PDE4D: variants seen among roughly 807,000 people sequenced by gnomAD.
The protein encoded by PDE4D is 3',5'-cyclic-AMP phosphodiesterase 4D.
PDE4D carries 24 observed loss-of-function variants against 87.4 expected under a neutral mutation model. The observed-to-expected ratio is 0.27, with a 90% confidence interval of 0.20 to 0.39. The LOEUF (loss-of-function observed/expected upper bound fraction) is 0.39, where lower values mean the gene tolerates loss of function less well. Ranked by LOEUF, PDE4D falls within the 10% of genes least tolerant of loss-of-function variation. The pLI is 1.00. For missense variants in PDE4D, 714 were observed against 1,041.0 expected (o/e 0.69, Z 4.32); for synonymous variants, 384 against 383.2 (o/e 1.00, Z -0.02).
At chr5:60,427,259 T>G (rs1743802522) in intron 1 of PDE4D, among the ~76,000 whole-genome samples, 1 of 152,070 alleles carries the variant, frequency 6.6e-6, no homozygotes, top group Non-Finnish European at 1.5e-5. Flanking sequence ...CACATTGTAG[T>G]AAAACTGCAG....
chr5:59,002,161 A>T, intron 6 of PDE4D: 1 of 430,078 alleles, frequency 2.3e-6, no homozygotes, highest in Non-Finnish European at 4.6e-6. Context: ...ATTTCCACAT[A>T]AAGTTGAGAC....
chr5:59,461,243 A>G (rs763567045), intron 1 of PDE4D, among the ~76,000 whole-genome samples: 22 of 152,290 alleles, frequency 1.4e-4, no homozygotes, highest in Non-Finnish European at 2.5e-4. Flanking sequence ...AAGATTATAT[A>G]TATTTACATG....
At chr5:59,241,740 G>C (rs900380620) in intron 1 of PDE4D, among the ~76,000 whole-genome samples, 1 of 152,062 alleles carries the variant, frequency 6.6e-6, no homozygotes, top group Non-Finnish European at 1.5e-5. Context: ...TTTTCTCTGG[G>C]GATTTTACAC....
chr5:60,175,656 T>C (rs1783843733), intron 2 of PDE4D, among the ~76,000 whole-genome samples: 1 of 152,202 alleles, frequency 6.6e-6, no homozygotes, highest in Non-Finnish European at 1.5e-5. Flanking sequence ...AATGTGTCTC[T>C]TGAATTTCTT....
intron 11 of PDE4D, among the ~76,000 whole-genome samples, chr5:58,978,831 C>T (rs560820234): frequency 2.7e-4 from 41 of 152,018 alleles, no homozygotes; most frequent in Admixed American, 1.6e-3. Flanking sequence ...TCTATAAATG[C>T]CTTTATGAAC....
At chr5:60,027,070 C>CT (rs1022583263) in intron 2 of PDE4D, among the ~76,000 whole-genome samples, 1 of 151,910 alleles carries the variant, frequency 6.6e-6, no homozygotes, top group Non-Finnish European at 1.5e-5. Context: ...TTCCTTCTCT[C>CT]TTTTTTTCTT....
At chr5:59,682,008 G>A (rs2150366373) in intron 1 of PDE4D, among the ~76,000 whole-genome samples, 1 of 151,890 alleles carries the variant, frequency 6.6e-6, no homozygotes, top group East Asian at 1.9e-4. Context: ...TGCACCAGAT[G>A]CAGCCCCTTG....
intron 2 of PDE4D, among the ~76,000 whole-genome samples, chr5:60,093,185 CAT>C (rs1165224498): frequency 1.3e-5 from 2 of 152,232 alleles, no homozygotes; most frequent in Non-Finnish European, 2.9e-5. Context: ...GCATGAAGCA[CAT>C]ATTCTGCCCT....
chr5:59,974,757 G>A (rs1250312850), intron 3 of PDE4D, among the ~76,000 whole-genome samples: 1 of 152,132 alleles, frequency 6.6e-6, no homozygotes, highest in Non-Finnish European at 1.5e-5. Context: ...TCCTCTCCCT[G>A]TGTTCTTTCA....
chr5:60,240,680 T>C (rs189585101), intron 1 of PDE4D, among the ~76,000 whole-genome samples: 2 of 152,190 alleles, frequency 1.3e-5, no homozygotes, highest in East Asian at 3.9e-4. Flanking sequence ...TAGCTCAACA[T>C]AGAGAGAGAT....
chr5:59,451,805 T>C (rs2153640602), intron 1 of PDE4D, among the ~76,000 whole-genome samples: 1 of 152,332 alleles, frequency 6.6e-6, no homozygotes, highest in South Asian at 2.1e-4. Context: ...AGCCACTGAC[T>C]TTAAAAAACA....
Position 59,557,988 on chromosome 5 carries a change from T to C in PDE4D, c.455+335180A>G, listed in dbSNP as rs557748183. On this transcript the variant is annotated intron_variant, in intron 1 of 14. Transcript: ENST00000340635. ...ATGTATATTTAATATTGGAATATTA[T>C]TGGTGGCTCTAGAGGGCATACACCT... Among the ~76,000 whole-genome samples the C allele has an allele frequency of 2.0e-5, 3 of 152,320 alleles. No individual in the cohort carries two copies. The South Asian group carries it at 6.2e-4, about 32-fold the overall frequency.
intron 1 of PDE4D, among the ~76,000 whole-genome samples, chr5:59,745,512 A>G (rs1759477212): frequency 1.3e-5 from 2 of 152,164 alleles, no homozygotes; most frequent in South Asian, 4.1e-4. Flanking sequence ...GGCATGTTCT[A>G]GCCAATTCTG....
chr5:59,060,137 C>G (rs961577219), intron 5 of PDE4D, among the ~76,000 whole-genome samples: 7 of 152,118 alleles, frequency 4.6e-5, no homozygotes, highest in Non-Finnish European at 7.4e-5. Flanking sequence ...CTCTTTCCTA[C>G]TGGCTAGAAT....
intron 1 of PDE4D, among the ~76,000 whole-genome samples, chr5:60,191,834 TA>T (rs572196858): frequency 0.011 from 1,666 of 149,854 alleles, 12 homozygotes; most frequent in Non-Finnish European, 0.019. Flanking sequence ...CTGTCTCCAT[TA>T]AAAAAAAATA....
At chr5:60,317,791 T>A (rs1376864221) in intron 1 of PDE4D, among the ~76,000 whole-genome samples, 7 of 152,218 alleles carry the variant, frequency 4.6e-5, no homozygotes, top group Non-Finnish European at 1.0e-4. Context: ...CATGTAGTTG[T>A]GCAGTTTTGA....
intron 1 of PDE4D, among the ~76,000 whole-genome samples, chr5:59,456,989 T>C (rs1257682785): frequency 6.6e-6 from 1 of 152,214 alleles, no homozygotes; most frequent in East Asian, 1.9e-4. Flanking sequence ...ATGGTAAAGA[T>C]GCTATAAAAA....
At chr5:59,888,480 G>GA (rs1750483480) in intron 1 of PDE4D, among the ~76,000 whole-genome samples, 2 of 152,204 alleles carry the variant, frequency 1.3e-5, no homozygotes, top group Admixed American at 1.3e-4. Context: ...AACTAATTTT[G>GA]AAAAAATTAA....
intron 1 of PDE4D, among the ~76,000 whole-genome samples, chr5:59,597,097 A>G (rs915008040): frequency 1.3e-5 from 2 of 152,182 alleles, no homozygotes; most frequent in Non-Finnish European, 2.9e-5. Flanking sequence ...GTATCTTCAT[A>G]GTAACTATGT....
Sources: allele counts gnomAD v4.1 joint callset (sites outside exome capture counted in the v4.1 genomes callset), GRCh38; gene constraint gnomAD v4.1.1; transcripts MANE v1.5; gene names NCBI Gene and HGNC (gene_info 2026-07-23, HGNC 2026-07-21).